The following ABLIM2 variants were observed in gnomAD, a reference collection of about 807,000 sequenced individuals.
ABLIM2 encodes the protein actin binding LIM protein family member 2, also known as actin-binding LIM protein 2.
In ABLIM2, 53 loss-of-function variants were observed where a neutral mutation model predicts 97.7. The ratio of observed to expected loss-of-function variants is 0.54; its 90% CI spans 0.44 to 0.68. The LOEUF is 0.68. Ranked by LOEUF, ABLIM2 falls within the 30% of genes least tolerant of loss-of-function variation. The probability of loss-of-function intolerance (pLI) is 0.00; values close to 1 mark genes in which losing one functional copy is unlikely to be tolerated. For synonymous variants in ABLIM2, 361 were observed against 345.8 expected (o/e 1.04, Z -0.49); for missense variants, 835 against 867.2 (o/e 0.96, Z 0.47).
Position 8,082,057 on chromosome 4 carries a change from TTG to T in ABLIM2, c.455-1257_455-1256del, listed in dbSNP as rs1392710847. Among the ~76,000 whole-genome samples the T allele has an allele frequency of 6.6e-6, 1 of 151,946 alleles. No homozygotes were observed. Reference sequence around the variant, plus strand: ...TGTCTGCGTGTGTTTAAGGGTGTGGTTGTGTGTTGGGGGCATGACAAGGGAAG... The same window carrying T: ...TGTCTGCGTGTGTTTAAGGGTGTGGTTGTGTTGGGGGCATGACAAGGGAAG... On this transcript the variant is annotated intron_variant, in intron 4 of 20. Transcript: ENST00000447017. The surrounding 1 kb of genome is among the most constrained non-coding windows in gnomAD (Gnocchi z 5.6).
intron 20 of ABLIM2, among the ~76,000 whole-genome samples, chr4:7,979,197 G>A (rs1408749328): frequency 6.6e-6 from 1 of 152,178 alleles, no homozygotes; most frequent in Non-Finnish European, 1.5e-5. Flanking sequence ...TGTCCCACAA[G>A]CTGCCAGCTC....
chr4:8,070,139 CTGTG>C (rs1429448291), intron 6 of ABLIM2, among the ~76,000 whole-genome samples: 2 of 151,304 alleles, frequency 1.3e-5, no homozygotes, highest in East Asian at 1.9e-4. Flanking sequence ...CAATCTGTGT[CTGTG>C]TGTGTACGTC....
chr4:8,138,621 G>A (rs1300259674), intron 1 of ABLIM2, among the ~76,000 whole-genome samples: 23 of 152,066 alleles, frequency 1.5e-4, no homozygotes, highest in Admixed American at 1.5e-3. Context: ...AATGGGAAAA[G>A]GATTTAATGA....
Position 8,083,473 on chromosome 4 carries a change from C to T in ABLIM2, c.455-2671G>A, listed in dbSNP as rs979185588. Among the ~76,000 whole-genome samples, 4 of 152,142 alleles carry T rather than the reference C, an allele frequency of 2.6e-5. No homozygotes were observed. Among genetic ancestry groups the T allele is most frequent in the South Asian group, 2.1e-4 (1 of 4,832 alleles). On this transcript the variant is annotated intron_variant, in intron 4 of 20. Coordinates refer to ENST00000447017, the MANE Select transcript of ABLIM2 (RefSeq NM_001130083.2). The surrounding 1 kb of genome is among the most constrained non-coding windows in gnomAD (Gnocchi z 4.6). The stretch of plus-strand genomic sequence containing the variant: ...CCACTCTGCCTCCTACCATATTGGC[C>T]GGCGCCCTCCCCTGCCAAGAAGCTC...
rs1715034786 is a variant in ABLIM2 at position 8,155,567 on chromosome 4, CCT to C, written c.10+3111_10+3112del. The stretch of plus-strand genomic sequence containing the variant: ...ACAAGGCCGCCCTTGGCCCCGCACC[CCT>C]GTTATGGACTGAATTGTCTAAATTC... On this transcript the variant is annotated intron_variant, in intron 1 of 20. Coordinates refer to ENST00000447017, the MANE Select transcript of ABLIM2 (RefSeq NM_001130083.2). The surrounding 1 kb of genome is among the most constrained non-coding windows in gnomAD (Gnocchi z 4.2). Among the ~76,000 whole-genome samples the C allele has an allele frequency of 6.6e-6, 1 of 152,148 alleles. No homozygotes were observed. Among genetic ancestry groups the C allele is most frequent in the African/African-American group, 2.4e-5 (1 of 41,422 alleles).
chr4:8,121,826 C>T (rs1472328083), intron 1 of ABLIM2, among the ~76,000 whole-genome samples: 6 of 152,188 alleles, frequency 3.9e-5, no homozygotes, highest in Non-Finnish European at 8.8e-5. Context: ...TAACCCATGT[C>T]ACATCATCTT....
chr4:8,108,939 G>T (rs1838906025), intron 1 of ABLIM2, among the ~76,000 whole-genome samples: 1 of 152,240 alleles, frequency 6.6e-6, no homozygotes, highest in Non-Finnish European at 1.5e-5. Flanking sequence ...CTATTTCGGG[G>T]ACCCCAGGCA....
At chr4:8,157,738 A>C (rs1371528016) in intron 1 of ABLIM2, among the ~76,000 whole-genome samples, 3 of 152,268 alleles carry the variant, frequency 2.0e-5, no homozygotes, top group African/African-American at 7.2e-5. Context: ...ACAGGCTTAG[A>C]GGAAAGAGCA....
At chr4:8,009,188 C>A in intron 14 of ABLIM2, 86 bp from the exon 15 acceptor site, 1 of 1,527,232 alleles carries the variant, frequency 6.5e-7, no homozygotes, top group South Asian at 1.1e-5. Context: ...CAGTTATGCT[C>A]AAAAATGAAA....
At position 7,986,479 on chromosome 4, in the gene ABLIM2, G is replaced by C. The variant is rs539192996; in HGVS notation, c.1681-1586C>G. Among the ~76,000 whole-genome samples the C allele has an allele frequency of 6.6e-6, 1 of 152,240 alleles. No individual in the cohort carries two copies. Among genetic ancestry groups the C allele is most frequent in the South Asian group, 2.1e-4 (1 of 4,832 alleles). ...GGAACTGGTCTCTATTTACATTTTT[G>C]CTATTTTGTTTATCGTGAAATTTTT... On this transcript the variant is annotated intron_variant, in intron 17 of 20. Transcript: ENST00000447017. This position sits in a 1 kb window ranked among gnomAD's most constrained non-coding sequence, Gnocchi z 4.3.
chr4:8,101,904 G>T (rs189677358), intron 2 of ABLIM2, among the ~76,000 whole-genome samples: 5 of 152,258 alleles, frequency 3.3e-5, no homozygotes, highest in African/African-American at 1.2e-4. Context: ...GTAGAGTAAG[G>T]ACAGAGCCAG....
In ABLIM2 at chr4:8,158,714, C is replaced by A. The variant is rs1716250178; in HGVS notation, c.-25G>T. The A allele has an allele frequency of 8.3e-6, 12 of 1,439,992 alleles. No individual in the cohort carries two copies. Among genetic ancestry groups the A allele is most frequent in the Non-Finnish European group, 1.1e-5 (12 of 1,096,380 alleles). The allele number at this position is 1,439,992 out of a possible 1,614,324, so 89.2% of individuals were successfully genotyped here. A position where few individuals can be genotyped will look rare whatever the true frequency, so the allele number is the denominator to read the frequency against. On this transcript the variant is annotated 5_prime_UTR_variant, in exon 1 of 21. Transcript: ENST00000447017. The stretch of plus-strand genomic sequence containing the variant: ...TCTCAGCAGCCGCTCGGAGTCGGGG[C>A]GGCCCGGCGCTGCGACAGCCAGACC...
At position 8,124,634 on chromosome 4, in the gene ABLIM2, C is replaced by T. The variant is rs1392878510; in HGVS notation, c.11-17997G>A. On this transcript the variant is annotated intron_variant, in intron 1 of 20. Transcript: ENST00000447017. The surrounding 1 kb of genome is among the most constrained non-coding windows in gnomAD (Gnocchi z 6.1). ...AAATATTCCGTTGTACAGACAGACC[C>T]TATTTGGCTCATCCATTAGTCAGTG... 6.6e-6 allele frequency among the ~76,000 whole-genome samples: 1 copy of T among 152,192 alleles called. No individual in the cohort carries two copies. The highest frequency in any genetic ancestry group is 1.5e-5 in the Non-Finnish European group (1 of 68,032).
chr4:7,967,876 C>T (rs1030220310), intron 20 of ABLIM2, among the ~76,000 whole-genome samples: 4 of 152,202 alleles, frequency 2.6e-5, no homozygotes, highest in South Asian at 2.1e-4. Context: ...GGACTGTACC[C>T]GTGGGTGCTG....
At chr4:8,133,662 C>T (rs899911199) in intron 1 of ABLIM2, among the ~76,000 whole-genome samples, 2 of 152,218 alleles carry the variant, frequency 1.3e-5, no homozygotes, top group African/African-American at 2.4e-5. Context: ...CCCCTCTGTG[C>T]TCTGCACACA....
chr4:8,016,034 T>C (rs1368194379), intron 14 of ABLIM2, among the ~76,000 whole-genome samples: 1 of 130,258 alleles, frequency 7.7e-6, no homozygotes, highest in Non-Finnish European at 1.5e-5. Context: ...ATTTCTTTTT[T>C]GTTGTTGTAT....
chr4:8,010,866 G>A (rs1181008234), intron 14 of ABLIM2: 2 of 152,550 alleles, frequency 1.3e-5, no homozygotes, highest in Non-Finnish European at 2.9e-5. Flanking sequence ...CATCAGCGAT[G>A]ACTCTTGGCA....
rs908859353 is a variant in ABLIM2, at chr4:8,029,854, A to G, written c.1048-78T>C. ...CCTTGTCCACCCATCCCCCGACACCATTTGGTGTTTGCCCTCCTGACCCAA... is the reference window on the plus strand; with the variant it reads ...CCTTGTCCACCCATCCCCCGACACCGTTTGGTGTTTGCCCTCCTGACCCAA... On this transcript the variant is annotated intron_variant, in intron 10 of 20. Coordinates refer to ENST00000447017, the MANE Select transcript of ABLIM2 (RefSeq NM_001130083.2). 7 of 1,506,718 alleles carry G rather than the reference A, an allele frequency of 4.6e-6. No individual in the cohort carries two copies. In the African/African-American group the frequency reaches 5.5e-5, roughly 12 times the overall value. 93.3% of individuals were successfully genotyped at this position (1,506,718 alleles called of 1,614,324 possible).
In ABLIM2 at chr4:8,061,159, G is replaced by A; in HGVS notation, c.676-105C>T. The A allele has an allele frequency of 5.2e-6, 5 of 953,162 alleles. No homozygotes were observed. Among genetic ancestry groups the A allele is most frequent in the Non-Finnish European group, 8.0e-6 (5 of 626,036 alleles). The allele number at this position is 953,162 out of a possible 1,614,324, so 59.0% of individuals were successfully genotyped here. A position where few individuals can be genotyped will look rare whatever the true frequency, so the allele number is the denominator to read the frequency against. ...GCATGCCCTGAGCACAGGTACTCAG[G>A]GGATACTGGAAGGGCCAGCCCCCAC... On this transcript the variant is annotated intron_variant, in intron 6 of 20. Coordinates refer to ENST00000447017, the MANE Select transcript of ABLIM2 (RefSeq NM_001130083.2). The surrounding 1 kb of genome is among the most constrained non-coding windows in gnomAD (Gnocchi z 4.5).
Sources: allele counts gnomAD v4.1 joint callset (sites outside exome capture counted in the v4.1 genomes callset), GRCh38; gene constraint gnomAD v4.1.1; non-coding constraint Gnocchi (gnomAD v3.1); transcripts MANE v1.5; gene names NCBI Gene and HGNC (gene_info 2026-07-23, HGNC 2026-07-21).